MBTD1: variants seen among roughly 807,000 people sequenced by gnomAD.
MBTD1 encodes the protein mbt domain containing 1.
MBTD1 carries 24 observed loss-of-function variants against 87.8 expected under a neutral mutation model. That is an observed-to-expected ratio of 0.27 (90% CI 0.20 to 0.38). The LOEUF (loss-of-function observed/expected upper bound fraction) is 0.38, where lower values mean the gene tolerates loss of function less well. Among genes scored for constraint, MBTD1 ranks in the 10% least tolerant of loss-of-function variants. MBTD1 has a pLI of 1.00. For synonymous variants in MBTD1, 237 were observed against 248.6 expected, an observed-to-expected ratio of 0.95 and a Z score of 0.44; for missense variants, 436 against 760.2, an observed-to-expected ratio of 0.57 and a Z score of 5.02.
chr17:51,197,050 AT>A (rs2051159481), intron 12 of MBTD1, among the ~76,000 whole-genome samples: 1 of 218 alleles, frequency 4.6e-3, no homozygotes. Flanking sequence ...AGATATATAT[AT>A]ATATATATAT....
At chr17:51,203,296 A>T in intron 8 of MBTD1, 68 bp from the exon 9 acceptor site, 4 of 809,322 alleles carry the variant, frequency 4.9e-6, no homozygotes, top group Non-Finnish European at 7.4e-6. Flanking sequence ...ATTTGTTAAA[A>T]AAGTAACAAA....
chr17:51,259,800 T>C (rs995145540), intron 1 of MBTD1, 35 bp downstream of exon 1: 1 of 1,232,674 alleles, frequency 8.1e-7, no homozygotes, highest in Non-Finnish European at 1.0e-6. Context: ...CCCCCCCACC[T>C]GGCACACAAA....
At chr17:51,190,750 A>AAAAAAAAATATATATATAT (rs1555677185) in intron 16 of MBTD1, among the ~76,000 whole-genome samples, 1 of 39,714 alleles carries the variant, frequency 2.5e-5, no homozygotes, top group African/African-American at 1.5e-4. Flanking sequence ...AAAAAAAAAA[A>AAAAAAAAATATATATATAT]ATATATATAT....
intron 12 of MBTD1, among the ~76,000 whole-genome samples, chr17:51,196,970 C>T (rs2051144482): frequency 2.0e-5 from 3 of 148,994 alleles, no homozygotes; most frequent in East Asian, 4.0e-4. Flanking sequence ...CACCCAGACA[C>T]TCAATTCAAG....
chr17:51,258,984 G>A (rs1038280815), intron 2 of MBTD1, among the ~76,000 whole-genome samples, 159 bp downstream of exon 2: 2 of 152,134 alleles, frequency 1.3e-5, no homozygotes, highest in Admixed American at 6.5e-5. Context: ...GAAAATTTGA[G>A]AAGTAAAAAA....
chr17:51,231,601 A>T (rs2053554743), intron 2 of MBTD1, among the ~76,000 whole-genome samples: 1 of 152,148 alleles, frequency 6.6e-6, no homozygotes, highest in South Asian at 2.1e-4. Flanking sequence ...GTTTTAGAGA[A>T]ATGTTCTCTG....
intron 12 of MBTD1, among the ~76,000 whole-genome samples, chr17:51,197,512 TTTC>T (rs913588701): frequency 6.6e-6 from 1 of 151,610 alleles, no homozygotes; most frequent in African/African-American, 2.4e-5. Flanking sequence ...ACTCTTAATT[TTTC>T]TTTTCTTTTT....
intron 7 of MBTD1, among the ~76,000 whole-genome samples, chr17:51,205,249 C>T (rs1241406798): frequency 6.6e-6 from 1 of 152,130 alleles, no homozygotes; most frequent in Non-Finnish European, 1.5e-5. Flanking sequence ...TATGAGTTTG[C>T]TAATTACTGC....
chr17:51,224,094 C>T (rs1054883441), intron 3 of MBTD1, among the ~76,000 whole-genome samples: 3 of 152,188 alleles, frequency 2.0e-5, no homozygotes, highest in African/African-American at 2.4e-5. Flanking sequence ...GATCTTCTGG[C>T]CTCACACAGG....
At chr17:51,199,222 C>T (rs544934345) in intron 12 of MBTD1, among the ~76,000 whole-genome samples, 1 of 152,040 alleles carries the variant, frequency 6.6e-6, no homozygotes, top group East Asian at 1.9e-4. Flanking sequence ...CTCAGCCTCC[C>T]AAGAACTGGG....
In MBTD1 at chr17:51,259,215, T is replaced by C. The variant is rs1598461724; in HGVS notation, c.-112-9A>G. ...TAATGTCTCTTCCGACTCTGAAATGTTAGGATTCTTATTTCACAAAGGAGA... is the reference window on the plus strand; with the variant it reads ...TAATGTCTCTTCCGACTCTGAAATGCTAGGATTCTTATTTCACAAAGGAGA... On this transcript the variant is annotated splice_polypyrimidine_tract_variant and intron_variant, in intron 1 of 16. Coordinates refer to ENST00000586178, the MANE Select transcript of MBTD1 (RefSeq NM_017643.3). The C allele has an allele frequency of 8.2e-7, 1 of 1,221,662 alleles. No individual in the cohort carries two copies. The allele number at this position is 1,221,662 out of a possible 1,614,324, so 75.7% of individuals were successfully genotyped here. A position where few individuals can be genotyped will look rare whatever the true frequency, so the allele number is the denominator to read the frequency against.
In MBTD1 at chr17:51,179,498, A is replaced by ATATATATTTATATT. The variant is rs1555673737; in HGVS notation, c.*1077_*1078insAATATAAATATATA. ...TAAAGACAATTTTATATATATATAT[A>ATATATATTTATATT]TATATATATATATATATATATATAT... is the stretch of plus-strand genomic sequence containing the variant. On this transcript the variant is annotated 3_prime_UTR_variant, in exon 17 of 17. Transcript: ENST00000586178. 1.0e-4 allele frequency: 6 copies of ATATATATTTATATT among 58,420 alleles called. No homozygotes were observed. The highest frequency in any genetic ancestry group is 5.0e-4 in the South Asian group (1 of 2,020). 3.6% of individuals were successfully genotyped at this position (58,420 alleles called of 1,614,324 possible). A position where few individuals can be genotyped will look rare whatever the true frequency, so the allele number is the denominator to read the frequency against.
At chr17:51,214,039 G>A (rs1187830873) in intron 6 of MBTD1, among the ~76,000 whole-genome samples, 1 of 151,834 alleles carries the variant, frequency 6.6e-6, no homozygotes, top group East Asian at 1.9e-4. Flanking sequence ...TAGTATATAT[G>A]TGTGTGTGTA....
chr17:51,246,431 A>G (rs2054439738), intron 2 of MBTD1, among the ~76,000 whole-genome samples: 1 of 152,068 alleles, frequency 6.6e-6, no homozygotes, highest in East Asian at 1.9e-4. Context: ...GGGATGCTCA[A>G]TCTATGTTTT....
intron 5 of MBTD1, 83 bp from the exon 6 acceptor site, chr17:51,217,499 G>T: frequency 3.1e-6 from 2 of 640,380 alleles, no homozygotes; most frequent in Non-Finnish European, 5.2e-6. Flanking sequence ...ATGTGTGAAA[G>T]GACATAAAAT....
rs1442981478 is a variant in MBTD1 at position 51,179,483 on chromosome 17, TTTATATATATATATA to T, written c.*1078_*1092del. 473 of 37,040 alleles carry T rather than the reference TTTATATATATATATA, an allele frequency of 0.013. 25 individuals are homozygous for T. The highest frequency in any genetic ancestry group is 0.07 in the African/African-American group (428 of 6,112). The allele number at this position is 37,040 out of a possible 1,614,324, so 2.3% of individuals were successfully genotyped here. On this transcript the variant is annotated 3_prime_UTR_variant, in exon 17 of 17. Transcript: ENST00000586178. ...AATCCTGAATACAATTAAAGACAAT[TTTATATATATATATA>T]TATATATATATATATATATATATAT...
chr17:51,206,648 T>C (rs1333288475), intron 7 of MBTD1, among the ~76,000 whole-genome samples: 5 of 152,206 alleles, frequency 3.3e-5, no homozygotes, highest in African/African-American at 9.6e-5. Context: ...TGTTTATGTA[T>C]TGCTAAGGGT....
chr17:51,219,126 T>C (rs777318965), intron 4 of MBTD1, 82 bp from the exon 5 acceptor site: 8 of 680,882 alleles, frequency 1.2e-5, no homozygotes, highest in Non-Finnish European at 1.9e-5. Context: ...TACTACACAT[T>C]CTGCTTAAGT....
At position 51,201,707 on chromosome 17, in the gene MBTD1, A is replaced by G; in HGVS notation, c.1120-11T>C. The G allele has an allele frequency of 6.8e-7, 1 of 1,467,916 alleles. No individual in the cohort carries two copies. Among genetic ancestry groups the G allele is most frequent in the Non-Finnish European group, 9.5e-7 (1 of 1,051,590 alleles). The allele number at this position is 1,467,916 out of a possible 1,614,324, so 90.9% of individuals were successfully genotyped here. ...GTCTACTTCTTTTACCTAAAGAATT[A>G]TATGAAAGCACATCTACTGTTACAA... is the stretch of plus-strand genomic sequence containing the variant. On this transcript the variant is annotated splice_polypyrimidine_tract_variant and intron_variant, in intron 11 of 16. Transcript: ENST00000586178.
Sources: gnomAD v4.1 joint callset for allele counts (sites outside exome capture counted in the v4.1 genomes callset) on GRCh38, gnomAD v4.1.1 for gene constraint, MANE v1.5 for transcripts, NCBI Gene and HGNC (gene_info 2026-07-23, HGNC 2026-07-21) for gene names.